The following MBTPS1 variants were observed in gnomAD, a reference collection of about 807,000 sequenced individuals.
The protein encoded by MBTPS1 is membrane-bound transcription factor site-1 protease.
In MBTPS1, 94 loss-of-function variants were observed where a neutral mutation model predicts 127.8. The observed-to-expected ratio is 0.74, with a 90% CI of 0.62 to 0.87. MBTPS1 has a LOEUF of 0.87. Among genes scored for constraint, MBTPS1 ranks in the 40% least tolerant of loss-of-function variants. MBTPS1 has a pLI of 0.00. For synonymous variants in MBTPS1, 632 were observed against 509.4 expected, an observed-to-expected ratio of 1.24 and a Z score of -3.24; for missense variants, 1,636 against 1,353.2, an observed-to-expected ratio of 1.21 and a Z score of -3.28.
At position 84,091,835 on chromosome 16, in the gene MBTPS1, G is replaced by T; in HGVS notation, c.860C>A (p.Ser287Tyr). The T allele has an allele frequency of 1.3e-6, 2 of 1,588,102 alleles. No homozygotes were observed. The highest frequency in any genetic ancestry group is 1.7e-6 in the Non-Finnish European group (2 of 1,156,262). The stretch of plus-strand genomic sequence containing the variant: ...ATAGTTGAAGGCGTCCAAAAACCAA[G>T]ATGTGTAAGATACCTAGTTAAATAT... Reference protein sequence around the residue: ...VFTNNQVSYTSWFLDAFNYAI... With the variant: ...VFTNNQVSYTYWFLDAFNYAI... The change falls in exon 7 of 23, where the codon TCT (serine) becomes TAT (tyrosine). Residue 287 changes from serine (S) to tyrosine (Y), a missense_variant. By Grantham distance (144) the Ser-to-Tyr change is moderately radical (BLOSUM62 -2). Coordinates refer to ENST00000343411, the MANE Select transcript of MBTPS1 (RefSeq NM_003791.4).
intron 11 of MBTPS1, among the ~76,000 whole-genome samples, chr16:84,077,956 A>G (rs1043871669): frequency 1.3e-5 from 2 of 152,166 alleles, no homozygotes; most frequent in African/African-American, 2.4e-5. Flanking sequence ...GCTCTTAAAC[A>G]TGGACTTAGG....
intron 1 of MBTPS1, among the ~76,000 whole-genome samples, chr16:84,103,729 G>A (rs752107111): frequency 1.3e-5 from 2 of 152,100 alleles, no homozygotes; most frequent in Non-Finnish European, 2.9e-5. Flanking sequence ...AGTACCGTGA[G>A]GGGTTAAAAT....
intron 20 of MBTPS1, chr16:84,060,147 G>C (rs796857072): frequency 5.9e-5 from 9 of 153,494 alleles, no homozygotes; most frequent in African/African-American, 2.2e-4. Flanking sequence ...CACCAGCACA[G>C]GCCCCAGAGG....
chr16:84,062,877 C>T (rs1270623585), intron 19 of MBTPS1, among the ~76,000 whole-genome samples: 2 of 152,346 alleles, frequency 1.3e-5, no homozygotes, highest in East Asian at 1.9e-4. Context: ...GGAAGGACAG[C>T]CAAGAGCCAG....
At chr16:84,061,848 A>G (rs1427492479) in intron 19 of MBTPS1, among the ~76,000 whole-genome samples, 3 of 152,180 alleles carry the variant, frequency 2.0e-5, no homozygotes, top group Admixed American at 2.0e-4. Context: ...TTCAAGTTCC[A>G]TTAACATCAA....
chr16:84,087,470 G>T lies in MBTPS1; in HGVS notation c.1032-10C>A. On this transcript the variant is annotated splice_polypyrimidine_tract_variant and intron_variant, in intron 8 of 22. Coordinates refer to ENST00000343411, the MANE Select transcript of MBTPS1 (RefSeq NM_003791.4). ...AGGGTTATTCAGAGTGCTATATTGA[G>T]ACCAAAAAAAAAAAAAAAGAAAAGA... 1.6e-5 allele frequency: 18 copies of T among 1,109,250 alleles called. No homozygotes were observed. Among genetic ancestry groups the T allele is most frequent in the Non-Finnish European group, 2.0e-5 (17 of 839,768 alleles). The allele number at this position is 1,109,250 out of a possible 1,614,324, so 68.7% of individuals were successfully genotyped here.
At chr16:84,063,675 G>T (rs553635279) in intron 18 of MBTPS1, among the ~76,000 whole-genome samples, 20 of 152,066 alleles carry the variant, frequency 1.3e-4, no homozygotes, top group African/African-American at 3.6e-4. Flanking sequence ...GTGTATTTCC[G>T]TATCTATCCA....
At chr16:84,112,555 A>G (rs2086411958) in intron 1 of MBTPS1, among the ~76,000 whole-genome samples, 1 of 150,728 alleles carries the variant, frequency 6.6e-6, no homozygotes, top group South Asian at 2.1e-4. Context: ...CCAGATACTC[A>G]GGAGGCTGAG....
intron 1 of MBTPS1, among the ~76,000 whole-genome samples, chr16:84,105,183 G>A (rs921561511): frequency 6.6e-6 from 1 of 151,988 alleles, no homozygotes; most frequent in Admixed American, 6.6e-5. Context: ...ATAAATGTGG[G>A]GTATGTGGAA....
chr16:84,101,695 A>C lies in MBTPS1; in HGVS notation c.89T>G (p.Phe30Cys), dbSNP rs1193026553. Residue 30 changes from phenylalanine to cysteine, a missense_variant, in exon 2 of 23, where the codon TTT becomes TGT. Transcript: ENST00000343411. ...HLGDRLEKKS[F>C]EKAPCPGCSH... ...ACAGCCAGGGCATGGGGCCTTTTCAAAAGATTTCTTTTCCAGTCTGTCGCC... is the reference window on the plus strand; with the variant it reads ...ACAGCCAGGGCATGGGGCCTTTTCACAAGATTTCTTTTCCAGTCTGTCGCC... 2 of 1,614,080 alleles carry C rather than the reference A, an allele frequency of 1.2e-6. No homozygotes were observed. Among genetic ancestry groups the C allele is most frequent in the African/African-American group, 2.7e-5 (2 of 74,932 alleles).
chr16:84,113,711 C>T (rs1003899575), intron 1 of MBTPS1, among the ~76,000 whole-genome samples: 1 of 152,216 alleles, frequency 6.6e-6, no homozygotes, highest in Non-Finnish European at 1.5e-5. Flanking sequence ...TGACTTGTAT[C>T]ACCCGACAAT....
At chr16:84,084,882 A>AC (rs2085997439) in intron 10 of MBTPS1, 101 bp downstream of exon 10, 1 of 1,347,704 alleles carries the variant, frequency 7.4e-7, no homozygotes, top group Non-Finnish European at 1.0e-6. Context: ...AAGCTCTCAA[A>AC]CCCAAGACAG....
chr16:84,062,022 G>A (rs1472631439), intron 19 of MBTPS1, among the ~76,000 whole-genome samples: 2 of 152,176 alleles, frequency 1.3e-5, no homozygotes, highest in Admixed American at 1.3e-4. Context: ...ATTTAATAAA[G>A]ACTCTTACCA....
chr16:84,076,094 A>C (rs2085851058), intron 11 of MBTPS1, among the ~76,000 whole-genome samples: 1 of 152,248 alleles, frequency 6.6e-6, no homozygotes. Flanking sequence ...TAGCAAGACC[A>C]GTGGCATTTA....
Position 84,055,993 on chromosome 16 carries a change from C to T in MBTPS1, c.2962+12G>A. ...ATGACTGAGCACAATCACAAAGCAG[C>T]CGAGAACTCACCTCCAGGAATGTCC... is the stretch of plus-strand genomic sequence containing the variant. On this transcript the variant is annotated intron_variant, in intron 22 of 22. Coordinates refer to ENST00000343411, the MANE Select transcript of MBTPS1 (RefSeq NM_003791.4). 2 of 1,607,796 alleles carry T rather than the reference C, an allele frequency of 1.2e-6. No homozygotes were observed. The highest frequency in any genetic ancestry group is 2.0e-4 in the Middle Eastern group (1 of 5,040).
At chr16:84,092,537 A>T (rs1029495028) in intron 6 of MBTPS1, among the ~76,000 whole-genome samples, 5 of 152,234 alleles carry the variant, frequency 3.3e-5, no homozygotes, top group African/African-American at 7.2e-5. Context: ...ATCATCACAC[A>T]GGACACACGG....
At chr16:84,104,013 C>G (rs2086291533) in intron 1 of MBTPS1, among the ~76,000 whole-genome samples, 2 of 152,194 alleles carry the variant, frequency 1.3e-5, no homozygotes, top group African/African-American at 4.8e-5. Context: ...CAGAAGTTTG[C>G]TCAGGAGTAA....
Position 84,063,439 on chromosome 16 carries a change from T to A in MBTPS1, c.2438A>T (p.Glu813Val). ...ITQTFKDQGL[E>V]VLKQETAVVE... ...AACTGCTGTTTCCTGCTTTAAAACC[T>A]CCAATCCTGAAACAACACAACAAAA... Residue 813 changes from glutamate (E) to valine (V), a missense_variant, in exon 19 of 23, where the codon GAG (glutamate) becomes GTG (valine). By Grantham distance (121) the Glu-to-Val change is moderately radical. Coordinates refer to ENST00000343411, the MANE Select transcript of MBTPS1 (RefSeq NM_003791.4). 1 of 1,613,744 alleles carries A rather than the reference T, an allele frequency of 6.2e-7. No homozygotes were observed. The highest frequency in any genetic ancestry group is 8.5e-7 in the Non-Finnish European group (1 of 1,179,668).
At chr16:84,063,025 C>T (rs759359596) in intron 19 of MBTPS1, among the ~76,000 whole-genome samples, 2 of 152,244 alleles carry the variant, frequency 1.3e-5, no homozygotes, top group Non-Finnish European at 1.5e-5. Context: ...TCCACCACAA[C>T]GCGGGAGTCC....
Sources: gnomAD v4.1 joint callset for allele counts (sites outside exome capture counted in the v4.1 genomes callset) on GRCh38, gnomAD v4.1.1 for gene constraint, MANE v1.5 for transcripts, NCBI Gene and HGNC (gene_info 2026-07-23, HGNC 2026-07-21) for gene names.